Variants in EXOC4 observed in about 807,000 individuals in gnomAD.
EXOC4 encodes exocyst complex component 4.
EXOC4 carries 71 observed loss-of-function variants against 107.2 expected under a neutral mutation model. That is an observed-to-expected ratio of 0.66 (90% confidence interval 0.55 to 0.81). The LOEUF (loss-of-function observed/expected upper bound fraction) is 0.81, where lower values mean the gene tolerates loss of function less well. EXOC4 is among the 30% of genes least tolerant of loss of function. EXOC4 has a pLI of 0.00. For synonymous variants in EXOC4, 456 were observed against 441.2 expected (o/e 1.03, Z -0.42); for missense variants, 1,108 against 1,189.6 (o/e 0.93, Z 1.01).
intron 7 of EXOC4, among the ~76,000 whole-genome samples, chr7:133,387,903 T>C (rs953371154): frequency 2.0e-5 from 3 of 151,910 alleles, no homozygotes; most frequent in Non-Finnish European, 4.4e-5. Context: ...ACTTGGCATG[T>C]TTTCACACAG....
chr7:133,801,377 AC>A (rs1437828875), intron 10 of EXOC4, among the ~76,000 whole-genome samples: 1 of 152,176 alleles, frequency 6.6e-6, no homozygotes, highest in Non-Finnish European at 1.5e-5. Context: ...TAAATATTTC[AC>A]TGGGTATTAG....
intron 13 of EXOC4, among the ~76,000 whole-genome samples, chr7:133,923,349 G>T (rs188211227): frequency 6.6e-6 from 1 of 151,928 alleles, no homozygotes; most frequent in African/African-American, 2.4e-5. Flanking sequence ...GGCTAGTCTC[G>T]AACCTTGTGA....
intron 7 of EXOC4, among the ~76,000 whole-genome samples, chr7:133,386,019 T>A (rs1027958323): frequency 6.6e-6 from 1 of 152,176 alleles, no homozygotes; most frequent in Non-Finnish European, 1.5e-5. Flanking sequence ...ATTGTGAATA[T>A]TCAGGATTTC....
At chr7:133,442,451 C>T (rs1384346613) in intron 7 of EXOC4, among the ~76,000 whole-genome samples, 1 of 152,002 alleles carries the variant, frequency 6.6e-6, no homozygotes, top group Non-Finnish European at 1.5e-5. Flanking sequence ...TCAGAGAGCC[C>T]CCAAGAGCGG....
chr7:133,751,486 A>C (rs1795792484), intron 10 of EXOC4, among the ~76,000 whole-genome samples: 1 of 152,188 alleles, frequency 6.6e-6, no homozygotes, highest in Non-Finnish European at 1.5e-5. Context: ...GGGGTGTTAC[A>C]TCTTTTCAGA....
the EXOC4 span, among the ~76,000 whole-genome samples, chr7:134,081,200 G>A: frequency 6.6e-6 from 1 of 151,988 alleles, no homozygotes; most frequent in African/African-American, 2.4e-5. Flanking sequence ...AAAATTAGCT[G>A]GGTTTATTGG....
At position 133,935,616 on chromosome 7, in the gene EXOC4, C is replaced by T. The variant is rs1173566878; in HGVS notation, c.2028-2275C>T. Among the ~76,000 whole-genome samples, 3 of 152,234 alleles carry T rather than the reference C, an allele frequency of 2.0e-5. No individual in the cohort carries two copies. The East Asian group carries it at 5.8e-4, about 29-fold the overall frequency. ...ACTCTTACCTAAATTCATTCATCATCCCACTAAATAAACTAGCCATCTCAA... is the reference window on the plus strand; with the variant it reads ...ACTCTTACCTAAATTCATTCATCATTCCACTAAATAAACTAGCCATCTCAA... On this transcript the variant is annotated intron_variant, in intron 13 of 17. Transcript: ENST00000253861.
chr7:133,626,538 G>A (rs984302716), intron 9 of EXOC4, among the ~76,000 whole-genome samples: 24 of 152,236 alleles, frequency 1.6e-4, no homozygotes, highest in Admixed American at 1.3e-4. Context: ...TCCTGTAGGT[G>A]GAATTCTGTT....
At chr7:133,498,851 T>C (rs1434562576) in intron 9 of EXOC4, among the ~76,000 whole-genome samples, 3 of 152,188 alleles carry the variant, frequency 2.0e-5, no homozygotes, top group Non-Finnish European at 4.4e-5. Context: ...AATCATAACC[T>C]TGTGGGCTTC....
At chr7:133,559,534 T>C (rs1394011337) in intron 9 of EXOC4, among the ~76,000 whole-genome samples, 1 of 152,212 alleles carries the variant, frequency 6.6e-6, no homozygotes, top group Non-Finnish European at 1.5e-5. Context: ...TGTTTCCCAA[T>C]TCCAAATGCG....
rs185910829 is a variant in EXOC4, at chr7:133,951,061, A to G, written c.2206+12992A>G. Among the ~76,000 whole-genome samples the G allele has an allele frequency of 4.0e-3, 607 of 152,328 alleles. 2 individuals carry two copies. Among genetic ancestry groups the G allele is most frequent in the Non-Finnish European group, 6.5e-3 (440 of 68,028 alleles). On this transcript the variant is annotated intron_variant, in intron 14 of 17. Coordinates refer to ENST00000253861, the MANE Select transcript of EXOC4 (RefSeq NM_021807.4). ...GAAGCGGAGCATGGGTCACTGACAG[A>G]CAGATGGCTGCCACAAGCGCCACCA... is the stretch of plus-strand genomic sequence containing the variant.
At chr7:133,782,907 C>T (rs965656952) in intron 10 of EXOC4, among the ~76,000 whole-genome samples, 5 of 152,090 alleles carry the variant, frequency 3.3e-5, no homozygotes, top group African/African-American at 1.2e-4. Flanking sequence ...GGTCACTCGC[C>T]CAGGCCATTG....
At chr7:133,505,640 G>A (rs191020874) in intron 9 of EXOC4, among the ~76,000 whole-genome samples, 33 of 151,918 alleles carry the variant, frequency 2.2e-4, no homozygotes, top group African/African-American at 5.6e-4. Context: ...TAGATATCTC[G>A]TGCCCATTCT....
chr7:133,990,038 G>C (rs1367658475), intron 14 of EXOC4, among the ~76,000 whole-genome samples: 1 of 152,096 alleles, frequency 6.6e-6, no homozygotes, highest in Non-Finnish European at 1.5e-5. Flanking sequence ...GGGGGTACAT[G>C]TGATATTTTG....
intron 7 of EXOC4, among the ~76,000 whole-genome samples, chr7:133,450,773 T>C (rs1199196034): frequency 6.6e-6 from 1 of 152,214 alleles, no homozygotes; most frequent in Non-Finnish European, 1.5e-5. Context: ...ATAAATGAAT[T>C]ACTAAGGTAA....
chr7:133,948,878 A>G (rs1223157296), intron 14 of EXOC4, among the ~76,000 whole-genome samples: 1 of 152,176 alleles, frequency 6.6e-6, no homozygotes, highest in Non-Finnish European at 1.5e-5. Context: ...GAAAAACAAC[A>G]TAATCACCTA....
chr7:133,955,907 G>A (rs1257240457), intron 14 of EXOC4, among the ~76,000 whole-genome samples: 5 of 152,396 alleles, frequency 3.3e-5, no homozygotes, highest in South Asian at 4.1e-4. Flanking sequence ...GGAGAAGCCA[G>A]GCAGTGAGAG....
intron 9 of EXOC4, among the ~76,000 whole-genome samples, chr7:133,516,361 CT>C (rs1799875297): frequency 6.6e-6 from 1 of 152,104 alleles, no homozygotes; most frequent in African/African-American, 2.4e-5. Flanking sequence ...CCTCTTCTTT[CT>C]TTTCTCCTCT....
chr7:133,686,839 CA>C (rs1251260849), intron 10 of EXOC4, among the ~76,000 whole-genome samples: 1 of 152,052 alleles, frequency 6.6e-6, no homozygotes, highest in Non-Finnish European at 1.5e-5. Context: ...CCTTTTGATC[CA>C]GCAATCCCAC....
Sources: allele counts gnomAD v4.1 joint callset (sites outside exome capture counted in the v4.1 genomes callset), GRCh38; gene constraint gnomAD v4.1.1; transcripts MANE v1.5; gene names NCBI Gene and HGNC (gene_info 2026-07-23, HGNC 2026-07-21).